The following SETD5 variants were observed in gnomAD, a reference collection of about 807,000 sequenced individuals.
The protein encoded by SETD5 is histone-lysine N-methyltransferase SETD5.
Under a neutral mutation model 153.3 loss-of-function variants are expected in SETD5, and 44 were observed. The ratio of observed to expected loss-of-function variants is 0.29; its 90% CI spans 0.23 to 0.37. SETD5 has a LOEUF of 0.37. SETD5 is among the 10% of genes least tolerant of loss of function. The pLI is 1.00. For synonymous variants in SETD5, 716 were observed against 645.2 expected (o/e 1.11, Z -1.66); for missense variants, 1,544 against 1,768.0 (o/e 0.87, Z 2.27).
chr3:9,464,663 A>C lies in SETD5; in HGVS notation c.2715A>C (p.Leu905=), dbSNP rs776998092. 6.2e-7 allele frequency: 1 copy of C among 1,613,992 alleles called. No individual in the cohort carries two copies. Among genetic ancestry groups the C allele is most frequent in the Admixed American group, 1.7e-5 (1 of 60,020 alleles). ...CTGCTAGTCGCTGCAACACTCCTCT[A>C]CAGTTTGAGGTGATTTGGGTTTGGT... is the stretch of plus-strand genomic sequence containing the variant. ...LTTASRCNTP[L]QFELCHRKDL... is the part of the protein sequence containing the mutation. Residue 905 remains leucine, a synonymous_variant, in exon 18 of 23, where the codon CTA becomes CTC. Coordinates refer to ENST00000402198, the MANE Select transcript of SETD5 (RefSeq NM_001080517.3).
chr3:9,447,361 A>G, intron 14 of SETD5, 54 bp downstream of exon 14: 2 of 1,553,820 alleles, frequency 1.3e-6, no homozygotes, highest in Non-Finnish European at 1.7e-6. Context: ...GCTAATGTCA[A>G]TACCTAACTT....
intron 18 of SETD5, among the ~76,000 whole-genome samples, chr3:9,467,218 A>C (rs1255317234): frequency 1.6e-4 from 23 of 142,458 alleles, no homozygotes; most frequent in African/African-American, 5.8e-4. Flanking sequence ...AAAAAAAAAA[A>C]AAAAAACAAC....
intron 6 of SETD5, among the ~76,000 whole-genome samples, chr3:9,435,365 C>T (rs769714982): frequency 9.9e-5 from 15 of 151,748 alleles, no homozygotes; most frequent in Non-Finnish European, 1.5e-4. Flanking sequence ...TCATTGTAAA[C>T]GAAATGTGTT....
chr3:9,473,486 G>C lies in SETD5; in HGVS notation c.3446G>C (p.Arg1149Thr), dbSNP rs1390778284. The C allele has an allele frequency of 6.2e-7, 1 of 1,613,866 alleles. No homozygotes were observed. The highest frequency in any genetic ancestry group is 8.5e-7 in the Non-Finnish European group (1 of 1,179,834). ...GAGGCGGTAAGCCCATCAGATTCCA[G>C]AGGCACTTCTTCATCTCACTGCAGA... is the stretch of plus-strand genomic sequence containing the variant. Reference protein sequence around the residue: ...HLEAVSPSDSRGTSSSHCRPQ... With the variant: ...HLEAVSPSDSTGTSSSHCRPQ... The change falls in exon 20 of 23, where the codon AGA becomes ACA. Residue 1149 changes from arginine to threonine, a missense_variant. By Grantham distance (71) the Arg-to-Thr change is moderately conservative (BLOSUM62 -1). Transcript: ENST00000402198.
chr3:9,443,726 A>T (rs1280052257), intron 11 of SETD5, among the ~76,000 whole-genome samples: 2 of 152,234 alleles, frequency 1.3e-5, no homozygotes, highest in Non-Finnish European at 2.9e-5. Context: ...TTACAATAGC[A>T]TCCTGTTGTT....
In SETD5 at chr3:9,424,479, A is replaced by C. The variant is rs1277049048; in HGVS notation, c.-164A>C. 2 of 152,240 alleles carry C rather than the reference A, an allele frequency of 1.3e-5. No individual in the cohort carries two copies. Among genetic ancestry groups the C allele is most frequent in the African/African-American group, 4.8e-5 (2 of 41,464 alleles). 9.4% of individuals were successfully genotyped at this position (152,240 alleles called of 1,614,324 possible). A position where few individuals can be genotyped will look rare whatever the true frequency, so the allele number is the denominator to read the frequency against. Reference sequence around the variant, plus strand: ...CAACTTTTTCTAGGTCTTCAGAACTACTAGCAGATAATTTGGGGGGACTTC... The same window carrying C: ...CAACTTTTTCTAGGTCTTCAGAACTCCTAGCAGATAATTTGGGGGGACTTC... On this transcript the variant is annotated 5_prime_UTR_variant, in exon 2 of 23. Coordinates refer to ENST00000402198, the MANE Select transcript of SETD5 (RefSeq NM_001080517.3).
At chr3:9,469,061 A>T (rs1358254635) in intron 18 of SETD5, among the ~76,000 whole-genome samples, 1 of 152,148 alleles carries the variant, frequency 6.6e-6, no homozygotes, top group East Asian at 1.9e-4. Flanking sequence ...TTTGGTTGAT[A>T]GATTGAGCAG....
In SETD5 at chr3:9,475,811, A is replaced by G; in HGVS notation, c.4049A>G (p.Gln1350Arg). The G allele has an allele frequency of 3.1e-6, 5 of 1,614,058 alleles. No homozygotes were observed. The highest frequency in any genetic ancestry group is 1.7e-5 in the Admixed American group (1 of 60,034). Residue 1350 changes from glutamine (Q) to arginine (R), a missense_variant, in exon 23 of 23, where the codon CAG becomes CGG. By Grantham distance (43) the Gln-to-Arg change is conservative (BLOSUM62 1). This residue lies in a region of SETD5 where 302 missense variants were observed against 277.6 expected (regional missense o/e 1.09). Coordinates refer to ENST00000402198, the MANE Select transcript of SETD5 (RefSeq NM_001080517.3). ...CPSSAASPTLQGPSDSPTSDS... is the reference protein window; with the variant it reads ...CPSSAASPTLRGPSDSPTSDS... Reference sequence around the variant, plus strand: ...TCTAGTGCTGCTAGCCCTACCCTGCAGGGACCCTCAGACTCGCCAACCTCA... The same window carrying G: ...TCTAGTGCTGCTAGCCCTACCCTGCGGGGACCCTCAGACTCGCCAACCTCA...
chr3:9,474,880 C>T (rs1480086685), intron 21 of SETD5, 188 bp from the exon 22 acceptor site: 2 of 627,710 alleles, frequency 3.2e-6, no homozygotes, highest in African/African-American at 3.7e-5. Flanking sequence ...GGAATCACAT[C>T]AGGCATTTAG....
chr3:9,464,228 A>G (rs1304998262), intron 17 of SETD5, among the ~76,000 whole-genome samples, 197 bp from the exon 18 acceptor site: 2 of 152,242 alleles, frequency 1.3e-5, no homozygotes, highest in Non-Finnish European at 2.9e-5. Flanking sequence ...TTTGGGAGAT[A>G]GAATGTTTTC....
intron 8 of SETD5, among the ~76,000 whole-genome samples, chr3:9,441,005 A>G (rs377362399): frequency 3.4e-4 from 52 of 152,274 alleles, no homozygotes; most frequent in East Asian, 1.7e-3. Context: ...TGAGGCCAGC[A>G]GTTCAAGACC....
chr3:9,433,632 G>A (rs1575374799), intron 3 of SETD5: 1 of 990,042 alleles, frequency 1.0e-6, no homozygotes, highest in East Asian at 4.0e-5. Flanking sequence ...TGCCTGTACT[G>A]GCTTCATGTT....
rs2041792761 is a variant in SETD5, at chr3:9,445,201, A to G, written c.1341A>G (p.Lys447=). 1 of 1,613,872 alleles carries G rather than the reference A, an allele frequency of 6.2e-7. No homozygotes were observed. The highest frequency in any genetic ancestry group is 8.5e-7 in the Non-Finnish European group (1 of 1,179,798). The change falls in exon 12 of 23, where the codon AAA becomes AAG. Residue 447 remains lysine, a synonymous_variant. Transcript: ENST00000402198. The part of the protein sequence containing the change: ...AETRRRKARR[K]ELEMEQQNEA... The stretch of plus-strand genomic sequence containing the variant: ...CTAGACGTAGAAAAGCACGACGGAA[A>G]GAGCTAGAGATGGAGCAGCAGAATG...
intron 16 of SETD5, among the ~76,000 whole-genome samples, chr3:9,450,510 A>G (rs959094862): frequency 6.6e-6 from 1 of 152,234 alleles, no homozygotes; most frequent in South Asian, 2.1e-4. Flanking sequence ...ATGAAATGGA[A>G]TGTTTTAGCT....
chr3:9,436,845 GA>G, intron 7 of SETD5: 1 of 1,550,072 alleles, frequency 6.5e-7, no homozygotes, highest in Non-Finnish European at 8.7e-7. Context: ...TCCTCCTTGG[GA>G]TAGGCATTTC....
In SETD5 at chr3:9,477,077, G is replaced by A. The variant is rs2045893706; in HGVS notation, c.*986G>A. 6.5e-6 allele frequency: 1 copy of A among 152,680 alleles called. No homozygotes were observed. Among genetic ancestry groups the A allele is most frequent in the African/African-American group, 2.4e-5 (1 of 41,452 alleles). 9.5% of individuals were successfully genotyped at this position (152,680 alleles called of 1,614,324 possible). On this transcript the variant is annotated 3_prime_UTR_variant, in exon 23 of 23. Transcript: ENST00000402198. ...ATGCACTTGTGACTGCAGGGTAAGA[G>A]TGGGAAGATAGGTTTGTGGAGTGGC...
chr3:9,434,820 T>C lies in SETD5; in HGVS notation c.330-4T>C. 4 of 1,612,570 alleles carry C rather than the reference T, an allele frequency of 2.5e-6. 1 individual carries two copies. Among genetic ancestry groups the C allele is most frequent in the East Asian group, 4.5e-5 (2 of 44,864 alleles). ...ACTACTTTAAGTTTATTTTCCCTCT[T>C]TAGGGGAATGAGCAGGGGGAAGGTT... On this transcript the variant is annotated splice_polypyrimidine_tract_variant and splice_region_variant and intron_variant, in intron 5 of 22. Coordinates refer to ENST00000402198, the MANE Select transcript of SETD5 (RefSeq NM_001080517.3). The surrounding 1 kb of genome is among the most constrained non-coding windows in gnomAD (Gnocchi z 5.6).
chr3:9,418,342 A>C (rs1163821326), intron 1 of SETD5, among the ~76,000 whole-genome samples: 2 of 152,196 alleles, frequency 1.3e-5, no homozygotes, highest in African/African-American at 4.8e-5. Context: ...TTTTCATTAC[A>C]GAAAGAAGAA....
intron 18 of SETD5, among the ~76,000 whole-genome samples, chr3:9,466,440 GTTTT>G (rs1014324659): frequency 4.0e-5 from 6 of 151,324 alleles, no homozygotes; most frequent in Non-Finnish European, 8.8e-5. Flanking sequence ...GTTTTGTTTT[GTTTT>G]TTTTAATTGG....
Sources: allele counts gnomAD v4.1 joint callset (sites outside exome capture counted in the v4.1 genomes callset), GRCh38; gene constraint gnomAD v4.1.1; regional missense constraint gnomAD v4.1.1; non-coding constraint Gnocchi (gnomAD v3.1); transcripts MANE v1.5; gene names NCBI Gene and HGNC (gene_info 2026-07-23, HGNC 2026-07-21).